The following GSK3A variants were observed in gnomAD, a reference collection of about 807,000 sequenced individuals.
The protein encoded by GSK3A is glycogen synthase kinase 3 alpha.
In GSK3A, 14 loss-of-function variants were observed where a neutral mutation model predicts 56.6. The observed-to-expected ratio is 0.25, with a 90% CI of 0.16 to 0.39. The LOEUF (loss-of-function observed/expected upper bound fraction) is 0.39, where lower values mean the gene tolerates loss of function less well. Ranked by LOEUF, GSK3A falls within the 10% of genes least tolerant of loss-of-function variation. GSK3A has a pLI of 1.00. For synonymous variants in GSK3A, 301 were observed against 285.0 expected (o/e 1.06, Z -0.56); for missense variants, 450 against 656.0 (o/e 0.69, Z 3.43).
intron 8 of GSK3A, 75 bp from the exon 9 acceptor site, chr19:42,232,757 A>G (rs1033301916): frequency 1.4e-5 from 18 of 1,269,930 alleles, no homozygotes; most frequent in Non-Finnish European, 1.8e-5. Context: ...TCACTGCCAC[A>G]GTGCCTGCGG....
chr19:42,231,170 G>A (rs2036221519), intron 10 of GSK3A, among the ~76,000 whole-genome samples: 1 of 151,994 alleles, frequency 6.6e-6, no homozygotes, highest in Admixed American at 6.6e-5. Context: ...GACCAGCCTG[G>A]CCAACATGGT....
chr19:42,240,636 G>A, intron 1 of GSK3A: 1 of 170,836 alleles, frequency 5.9e-6, no homozygotes. Context: ...GTCCTCCCCT[G>A]TAGAGCTGGT....
rs1269091453 is a variant in GSK3A at position 42,230,596 on chromosome 19, C to T, written c.*198G>A. 3.4e-6 allele frequency: 2 copies of T among 595,130 alleles called. No individual in the cohort carries two copies. Among genetic ancestry groups the T allele is most frequent in the East Asian group, 2.8e-5 (1 of 35,908 alleles). The allele number at this position is 595,130 out of a possible 1,614,324, so 36.9% of individuals were successfully genotyped here. ...TGTCCTTCTCTTCCCTCCCCACAAC[C>T]AGTTAAAATCCTCTTAAAAAGCCCA... is the stretch of plus-strand genomic sequence containing the variant. On this transcript the variant is annotated 3_prime_UTR_variant, in exon 11 of 11. Transcript: ENST00000222330.
Position 42,233,158 on chromosome 19 carries a change from G to T in GSK3A, c.1050C>A (p.Asn350Lys). 6.2e-7 allele frequency: 1 copy of T among 1,609,814 alleles called. No individual in the cohort carries two copies. The highest frequency in any genetic ancestry group is 8.5e-7 in the Non-Finnish European group (1 of 1,177,670). The change falls in exon 8 of 11, where the codon AAC (asparagine) becomes AAA (lysine). Residue 350 changes from asparagine to lysine, a missense_variant. Asn to Lys is a moderately conservative substitution (Grantham distance 94). Transcript: ENST00000222330. ...TCTGAGGGAACTTGAACTCCGTGTA[G>T]TTGGGGTTCATCTCTCGGATTTGTT... ...TREQIREMNP[N>K]YTEFKFPQIK...
chr19:42,238,102 A>C (rs1241214807), intron 2 of GSK3A, among the ~76,000 whole-genome samples: 1 of 152,082 alleles, frequency 6.6e-6, no homozygotes, highest in Non-Finnish European at 1.5e-5. Context: ...CTGTAATCCC[A>C]GCACTTTGGG....
chr19:42,239,840 C>T (rs1253476875), intron 2 of GSK3A, 115 bp downstream of exon 2: 2 of 776,598 alleles, frequency 2.6e-6, no homozygotes, highest in Non-Finnish European at 4.3e-6. Context: ...CCTCTTTTCC[C>T]CCTTCTCTTC....
chr19:42,237,072 C>G, intron 2 of GSK3A, 131 bp from the exon 3 acceptor site: 1 of 699,486 alleles, frequency 1.4e-6, no homozygotes, highest in Non-Finnish European at 2.6e-6. Context: ...TGGAGTATCC[C>G]CCAATTCCTT....
chr19:42,237,446 C>T (rs2036264190), intron 2 of GSK3A, among the ~76,000 whole-genome samples: 2 of 151,994 alleles, frequency 1.3e-5, no homozygotes, highest in South Asian at 4.2e-4. Flanking sequence ...CCTCAGCCTC[C>T]CAAAGTGCTG....
intron 10 of GSK3A, among the ~76,000 whole-genome samples, chr19:42,231,834 C>G (rs2036225947): frequency 6.6e-6 from 1 of 151,764 alleles, no homozygotes; most frequent in Middle Eastern, 3.5e-3. Flanking sequence ...TCAGGCCAGA[C>G]GTTATTTCTC....
rs1159402502 is a variant in GSK3A, at chr19:42,239,539, T to TAA, written c.471+415_471+416insTT. On this transcript the variant is annotated intron_variant, in intron 2 of 10. Coordinates refer to ENST00000222330, the MANE Select transcript of GSK3A (RefSeq NM_019884.3). Reference sequence around the variant, plus strand: ...AGCCCTGCCAGGTCCCTTTCTCTCCTGGGAAGAAGTGTAACCAAATGGTTA... The same window carrying TAA: ...AGCCCTGCCAGGTCCCTTTCTCTCCTAAGGGAAGAAGTGTAACCAAATGGTTA... Among the ~76,000 whole-genome samples, 7 of 151,982 alleles carry TAA rather than the reference T, an allele frequency of 4.6e-5. No homozygotes were observed. In the East Asian group the frequency reaches 1.2e-3, roughly 25 times the overall value.
At position 42,242,546 on chromosome 19, in the gene GSK3A, G is replaced by A. The variant is rs1187693305; in HGVS notation, c.-81C>T. 28 of 952,090 alleles carry A rather than the reference G, an allele frequency of 2.9e-5. No homozygotes were observed. Among genetic ancestry groups the A allele is most frequent in the Non-Finnish European group, 3.5e-5 (28 of 792,030 alleles). The allele number at this position is 952,090 out of a possible 1,614,324, so 59.0% of individuals were successfully genotyped here. On this transcript the variant is annotated 5_prime_UTR_variant, in exon 1 of 11. Transcript: ENST00000222330. ...GCCGCCGCTGCCGCCGCCTCCCCCG[G>A]GCCCTGGCCTCTTCCAGGCCGCGCC...
chr19:42,230,544 T>C lies in GSK3A; in HGVS notation c.*250A>G. 2 of 532,352 alleles carry C rather than the reference T, an allele frequency of 3.8e-6. No homozygotes were observed. The highest frequency in any genetic ancestry group is 4.9e-5 in the South Asian group (2 of 41,110). The allele number at this position is 532,352 out of a possible 1,614,324, so 33.0% of individuals were successfully genotyped here. On this transcript the variant is annotated 3_prime_UTR_variant, in exon 11 of 11. Coordinates refer to ENST00000222330, the MANE Select transcript of GSK3A (RefSeq NM_019884.3). ...GGGGGAGGGGAGGGGGCCAAGGGGG[T>C]AGGAGGTCCTCATCCCCCCAACACC...
At position 42,242,554 on chromosome 19, in the gene GSK3A, C is replaced by T; in HGVS notation, c.-89G>A. 1.1e-6 allele frequency: 1 copy of T among 940,562 alleles called. No homozygotes were observed. The highest frequency in any genetic ancestry group is 1.3e-6 in the Non-Finnish European group (1 of 776,238). 58.3% of individuals were successfully genotyped at this position (940,562 alleles called of 1,614,324 possible). A position where few individuals can be genotyped will look rare whatever the true frequency, so the allele number is the denominator to read the frequency against. The stretch of plus-strand genomic sequence containing the variant: ...TGCCGCCGCCTCCCCCGGGCCCTGG[C>T]CTCTTCCAGGCCGCGCCGCTCTGGC... On this transcript the variant is annotated 5_prime_UTR_variant, in exon 1 of 11. Transcript: ENST00000222330.
chr19:42,242,480 G>A lies in GSK3A; in HGVS notation c.-15C>T. On this transcript the variant is annotated 5_prime_UTR_variant, in exon 1 of 11. Transcript: ENST00000222330. Reference sequence around the variant, plus strand: ...CCGCCGCTCATGGCGCCGAGCACAGGCCCAGGCTGCGGGGCTCGGGCTGCC... The same window carrying A: ...CCGCCGCTCATGGCGCCGAGCACAGACCCAGGCTGCGGGGCTCGGGCTGCC... The A allele has an allele frequency of 5.2e-6, 6 of 1,161,844 alleles. No individual in the cohort carries two copies. Among genetic ancestry groups the A allele is most frequent in the Non-Finnish European group, 6.3e-6 (6 of 946,338 alleles). The allele number at this position is 1,161,844 out of a possible 1,614,324, so 72.0% of individuals were successfully genotyped here.
Position 42,234,260 on chromosome 19 carries a change from A to T in GSK3A, c.904+93T>A. ...AGGACTGGATACAAGAACAGAAGTT[A>T]AGCTTTCATCACCAAGCTTGGCATA... On this transcript the variant is annotated intron_variant, in intron 6 of 10. Coordinates refer to ENST00000222330, the MANE Select transcript of GSK3A (RefSeq NM_019884.3). This position sits in a 1 kb window ranked among gnomAD's most constrained non-coding sequence, Gnocchi z 5.7. 1.1e-6 allele frequency: 1 copy of T among 878,464 alleles called. No homozygotes were observed. The highest frequency in any genetic ancestry group is 1.9e-6 in the Non-Finnish European group (1 of 515,724). The allele number at this position is 878,464 out of a possible 1,614,324, so 54.4% of individuals were successfully genotyped here. A position where few individuals can be genotyped will look rare whatever the true frequency, so the allele number is the denominator to read the frequency against.
chr19:42,233,799 C>G (rs1568465422), intron 6 of GSK3A, among the ~76,000 whole-genome samples: 1 of 152,140 alleles, frequency 6.6e-6, no homozygotes, highest in Non-Finnish European at 1.5e-5. Context: ...GCAGTCTCAC[C>G]CCTCCCTGCT....
At chr19:42,235,062 G>C (rs1015521124) in intron 4 of GSK3A, among the ~76,000 whole-genome samples, 4 of 152,078 alleles carry the variant, frequency 2.6e-5, no homozygotes, top group African/African-American at 9.7e-5. Context: ...AGGAGGCGGA[G>C]GTTGCAGTGA....
rs2146934279 is a variant in GSK3A, at chr19:42,230,475, C to T, written c.*319G>A. 1 of 379,304 alleles carries T rather than the reference C, an allele frequency of 2.6e-6. No homozygotes were observed. Among genetic ancestry groups the T allele is most frequent in the Non-Finnish European group, 4.6e-6 (1 of 215,720 alleles). The allele number at this position is 379,304 out of a possible 1,614,324, so 23.5% of individuals were successfully genotyped here. On this transcript the variant is annotated 3_prime_UTR_variant, in exon 11 of 11. Coordinates refer to ENST00000222330, the MANE Select transcript of GSK3A (RefSeq NM_019884.3). ...AGACGGGCTGGGCTGGTTCTATTTA[C>T]AAGGGACACAGGAGGGGAGGGGGTC...
At chr19:42,240,381 C>G in intron 1 of GSK3A, 2 of 587,304 alleles carry the variant, frequency 3.4e-6, no homozygotes, top group Non-Finnish European at 6.1e-6. Flanking sequence ...ACCTAAATCT[C>G]TCTGCTTCAA....
Sources: gnomAD v4.1 joint callset for allele counts (sites outside exome capture counted in the v4.1 genomes callset) on GRCh38, gnomAD v4.1.1 for gene constraint, Gnocchi (gnomAD v3.1) non-coding constraint, MANE v1.5 for transcripts, NCBI Gene and HGNC (gene_info 2026-07-23, HGNC 2026-07-21) for gene names.